The following GALNT13 variants were observed in gnomAD, a reference collection of about 807,000 sequenced individuals.
The protein encoded by GALNT13 is UDP-GalNAc:polypeptide N-acetylgalactosaminyltransferase 13.
In GALNT13, 28 loss-of-function variants were observed where a neutral mutation model predicts 64.2. The ratio of observed to expected loss-of-function variants is 0.44; its 90% confidence interval spans 0.32 to 0.60. The LOEUF is 0.60. Among genes scored for constraint, GALNT13 ranks in the 20% least tolerant of loss-of-function variants. The pLI is 0.05. For missense variants in GALNT13, 577 were observed against 669.8 expected, an observed-to-expected ratio of 0.86 and a Z score of 1.53; for synonymous variants, 214 against 224.6, an observed-to-expected ratio of 0.95 and a Z score of 0.42.
chr2:153,876,953 C>T (rs1023677246), intron 1 of GALNT13, among the ~76,000 whole-genome samples: 2 of 152,116 alleles, frequency 1.3e-5, no homozygotes, highest in African/African-American at 4.8e-5. Context: ...GTCAGGCTCT[C>T]TCTTAATGTG....
the GALNT13 span, among the ~76,000 whole-genome samples, chr2:153,738,126 G>A: frequency 6.6e-6 from 1 of 151,440 alleles, no homozygotes; most frequent in Non-Finnish European, 1.5e-5. Flanking sequence ...AGAACATTAT[G>A]TGAGTTTGTT....
chr2:154,186,984 CA>C lies in GALNT13; in HGVS notation c.311+46488del, dbSNP rs372245857. On this transcript the variant is annotated intron_variant, in intron 4 of 12. Coordinates refer to ENST00000392825, the MANE Select transcript of GALNT13 (RefSeq NM_052917.4). ...AAGAAGCAAGATTAAATAACAGAAC[CA>C]AAAAAAAACCCCCAGTTTATTATGA... Among the ~76,000 whole-genome samples the C allele has an allele frequency of 8.5e-4, 126 of 148,744 alleles. 1 individual carries two copies. The highest frequency in any genetic ancestry group is 3.4e-3 in the Middle Eastern group (1 of 292).
At chr2:154,132,822 G>A (rs543365779) in intron 3 of GALNT13, among the ~76,000 whole-genome samples, 7 of 151,080 alleles carry the variant, frequency 4.6e-5, no homozygotes, top group African/African-American at 1.7e-4. Context: ...TTGAACCAGG[G>A]AGGCAGAGCT....
At chr2:153,581,688 C>CATTA in the GALNT13 span, among the ~76,000 whole-genome samples, 52,668 of 151,136 alleles carry the variant, frequency 0.35, 10,191 homozygotes, top group African/African-American at 0.53. Flanking sequence ...GACACATAGC[C>CATTA]ATTAATTAAT....
chr2:154,006,157 T>C (rs542212666), intron 3 of GALNT13, among the ~76,000 whole-genome samples: 61 of 152,340 alleles, frequency 4.0e-4, no homozygotes, highest in Non-Finnish European at 6.2e-4. Context: ...AATAATCCTG[T>C]GAGATTCTTA....
chr2:154,009,396 C>T (rs1249355346), intron 3 of GALNT13, among the ~76,000 whole-genome samples: 1 of 151,730 alleles, frequency 6.6e-6, no homozygotes, highest in Non-Finnish European at 1.5e-5. Flanking sequence ...TTTTTGGTTC[C>T]ATATGACTTT....
chr2:154,054,675 A>G (rs1699810783), intron 3 of GALNT13, among the ~76,000 whole-genome samples: 1 of 152,018 alleles, frequency 6.6e-6, no homozygotes, highest in South Asian at 2.1e-4. Context: ...TCCTATGCAG[A>G]CAGGAGGGAG....
chr2:154,214,171 T>A (rs1473647373), intron 4 of GALNT13, among the ~76,000 whole-genome samples: 3 of 152,198 alleles, frequency 2.0e-5, no homozygotes, highest in Non-Finnish European at 4.4e-5. Context: ...TACCATTGTC[T>A]GCTCACTAAC....
At chr2:153,068,954 T>C in the GALNT13 span, among the ~76,000 whole-genome samples, 1 of 152,250 alleles carries the variant, frequency 6.6e-6, no homozygotes, top group Non-Finnish European at 1.5e-5. Flanking sequence ...ATGCCACTTA[T>C]GGAGAGTTGT....
At chr2:154,421,980 G>T (rs1431956077) in intron 11 of GALNT13, among the ~76,000 whole-genome samples, 28 of 152,068 alleles carry the variant, frequency 1.8e-4, no homozygotes, top group Admixed American at 1.8e-3. Context: ...GACAGGAATG[G>T]GTCTAAAAGA....
At chr2:154,406,291 A>C (rs1035389392) in intron 10 of GALNT13, among the ~76,000 whole-genome samples, 2 of 152,248 alleles carry the variant, frequency 1.3e-5, no homozygotes, top group East Asian at 3.9e-4. Flanking sequence ...TCTTGCTGGC[A>C]TGACTACAGT....
At chr2:153,394,927 C>A in the GALNT13 span, among the ~76,000 whole-genome samples, 36 of 152,096 alleles carry the variant, frequency 2.4e-4, no homozygotes, top group Non-Finnish European at 5.9e-5. Flanking sequence ...ATGTGTCCTC[C>A]TCCAGAGGCT....
chr2:153,712,152 G>A, the GALNT13 span, among the ~76,000 whole-genome samples: 1 of 152,052 alleles, frequency 6.6e-6, no homozygotes, highest in African/African-American at 2.4e-5. Context: ...GAAAAATTAT[G>A]GAAACTTGTT....
At chr2:153,792,404 G>A in the GALNT13 span, among the ~76,000 whole-genome samples, 1 of 152,120 alleles carries the variant, frequency 6.6e-6, no homozygotes, top group East Asian at 1.9e-4. Flanking sequence ...ACAGGAGGAT[G>A]TGCATGGGTT....
chr2:154,106,363 C>G (rs1702615164), intron 3 of GALNT13, among the ~76,000 whole-genome samples: 1 of 152,160 alleles, frequency 6.6e-6, no homozygotes, highest in Non-Finnish European at 1.5e-5. Context: ...TAAAACATGT[C>G]AGATCTTTAT....
chr2:153,647,302 G>C, the GALNT13 span, among the ~76,000 whole-genome samples: 22 of 151,994 alleles, frequency 1.4e-4, no homozygotes, highest in Non-Finnish European at 2.9e-4. Context: ...CCCACTTGTT[G>C]ATGGGGTTAT....
the GALNT13 span, among the ~76,000 whole-genome samples, chr2:153,255,316 T>G: frequency 7.9e-3 from 1,109 of 140,252 alleles, 16 homozygotes; most frequent in African/African-American, 0.029. Context: ...GTTTTCCATT[T>G]GCTTGGTAGA....
chr2:153,540,543 C>G, the GALNT13 span, among the ~76,000 whole-genome samples: 1 of 152,178 alleles, frequency 6.6e-6, no homozygotes, highest in South Asian at 2.1e-4. Flanking sequence ...AGTGGTAAAT[C>G]CACTGACAGC....
At chr2:153,750,757 T>A in the GALNT13 span, among the ~76,000 whole-genome samples, 1 of 151,744 alleles carries the variant, frequency 6.6e-6, no homozygotes, top group Non-Finnish European at 1.5e-5. Context: ...GTTTAATTTT[T>A]AAAAAAACAA....
Sources: allele counts gnomAD v4.1 joint callset (sites outside exome capture counted in the v4.1 genomes callset), GRCh38; gene constraint gnomAD v4.1.1; transcripts MANE v1.5; gene names NCBI Gene and HGNC (gene_info 2026-07-23, HGNC 2026-07-21).